Variants in USP14 observed in about 807,000 individuals in gnomAD.
USP14 encodes the protein ubiquitin carboxyl-terminal hydrolase 14.
Under a neutral mutation model 76.5 loss-of-function variants are expected in USP14, and 38 were observed. That is an observed-to-expected ratio of 0.50 (90% confidence interval 0.38 to 0.65). The LOEUF is 0.65. Among genes scored for constraint, USP14 ranks in the 30% least tolerant of loss-of-function variants. The pLI is 0.00. For missense variants in USP14, 467 were observed against 586.5 expected (o/e 0.80, Z 2.10); for synonymous variants, 192 against 191.7 (o/e 1.00, Z -0.01).
chr18:195,281 C>G (rs1003016990), intron 6 of USP14, among the ~76,000 whole-genome samples: 2 of 151,732 alleles, frequency 1.3e-5, no homozygotes, highest in Non-Finnish European at 2.9e-5. Context: ...GGTAGTGATG[C>G]CCAAATTTCA....
At chr18:198,308 A>T (rs1180041018) in intron 9 of USP14, among the ~76,000 whole-genome samples, 176 bp downstream of exon 9, 1 of 151,946 alleles carries the variant, frequency 6.6e-6, no homozygotes, top group East Asian at 1.9e-4. Flanking sequence ...TGTGATCTTG[A>T]CTCACTGCAA....
chr18:178,174 T>G (rs1453352992), intron 3 of USP14, among the ~76,000 whole-genome samples: 1 of 152,040 alleles, frequency 6.6e-6, no homozygotes, highest in African/African-American at 2.4e-5. Context: ...CATGCACCCC[T>G]ATGCCCAGCT....
chr18:173,871 A>G (rs1909548106), intron 3 of USP14, among the ~76,000 whole-genome samples: 1 of 152,250 alleles, frequency 6.6e-6, no homozygotes, highest in Admixed American at 6.5e-5. Context: ...TCAGTTGACC[A>G]TAAACATAAG....
intron 3 of USP14, among the ~76,000 whole-genome samples, chr18:171,809 A>G (rs1210378566): frequency 6.6e-6 from 1 of 152,230 alleles, no homozygotes; most frequent in Non-Finnish European, 1.5e-5. Flanking sequence ...AGGAGCATTC[A>G]TGGGAGGAAG....
At chr18:194,244 A>G (rs1397531103) in intron 6 of USP14, among the ~76,000 whole-genome samples, 2 of 152,174 alleles carry the variant, frequency 1.3e-5, no homozygotes, top group Admixed American at 6.5e-5. Flanking sequence ...CCTAAAGTAG[A>G]CTTACTTGTT....
chr18:214,059 G>C lies in USP14; in HGVS notation c.*2775G>C, dbSNP rs1020531970. The C allele has an allele frequency of 1.3e-5, 2 of 152,526 alleles. No individual in the cohort carries two copies. Among genetic ancestry groups the C allele is most frequent in the African/African-American group, 4.8e-5 (2 of 41,430 alleles). 9.4% of individuals were successfully genotyped at this position (152,526 alleles called of 1,614,324 possible). A position where few individuals can be genotyped will look rare whatever the true frequency, so the allele number is the denominator to read the frequency against. Reference sequence around the variant, plus strand: ...CAGGCTTTGCAGGCTATAAAGTGCTGCAGCTCCTTAGCTTTGCTGTTGTTA... The same window carrying C: ...CAGGCTTTGCAGGCTATAAAGTGCTCCAGCTCCTTAGCTTTGCTGTTGTTA... On this transcript the variant is annotated 3_prime_UTR_variant, in exon 16 of 16. Coordinates refer to ENST00000261601, the MANE Select transcript of USP14 (RefSeq NM_005151.4).
chr18:158,580 C>G lies in USP14; in HGVS notation c.-119C>G, dbSNP rs1046076097. ...TTGAATGAGACTCGTCGCACCGAAG[C>G]CGCCGCCACCACCGCGCCTCCGCCT... On this transcript the variant is annotated 5_prime_UTR_variant, in exon 1 of 16. Coordinates refer to ENST00000261601, the MANE Select transcript of USP14 (RefSeq NM_005151.4). 1.1e-4 allele frequency: 114 copies of G among 1,080,888 alleles called. No individual in the cohort carries two copies. Among genetic ancestry groups the G allele is most frequent in the Middle Eastern group, 2.0e-4 (1 of 4,956 alleles). 67.0% of individuals were successfully genotyped at this position (1,080,888 alleles called of 1,614,324 possible). A position where few individuals can be genotyped will look rare whatever the true frequency, so the allele number is the denominator to read the frequency against.
intron 5 of USP14, 93 bp from the exon 6 acceptor site, chr18:192,749 G>A: frequency 4.4e-6 from 5 of 1,136,682 alleles, no homozygotes; most frequent in Non-Finnish European, 6.5e-6. Context: ...TGCAGTTGAG[G>A]GTGTCATAAG....
chr18:179,601 T>C (rs1447062724), intron 4 of USP14, among the ~76,000 whole-genome samples: 6 of 148,408 alleles, frequency 4.0e-5, no homozygotes, highest in Non-Finnish European at 7.4e-5. Flanking sequence ...TTTTTTTTTT[T>C]CCTTGAGATG....
chr18:174,870 G>C (rs1197160225), intron 3 of USP14, among the ~76,000 whole-genome samples: 1 of 152,098 alleles, frequency 6.6e-6, no homozygotes, highest in Non-Finnish European at 1.5e-5. Context: ...CTGCCTCCCA[G>C]GTTCAAGCAG....
Position 213,711 on chromosome 18 carries a change from A to G in USP14, c.*2427A>G, listed in dbSNP as rs961472649. 6.6e-6 allele frequency: 1 copy of G among 152,562 alleles called. No individual in the cohort carries two copies. The highest frequency in any genetic ancestry group is 2.4e-5 in the African/African-American group (1 of 41,468). 9.5% of individuals were successfully genotyped at this position (152,562 alleles called of 1,614,324 possible). A position where few individuals can be genotyped will look rare whatever the true frequency, so the allele number is the denominator to read the frequency against. On this transcript the variant is annotated 3_prime_UTR_variant, in exon 16 of 16. Coordinates refer to ENST00000261601, the MANE Select transcript of USP14 (RefSeq NM_005151.4). Reference sequence around the variant, plus strand: ...CAGGATTAAAAACGATGATGACCTCATCTTAGAGCCCTAAAGGGAAATGCT... The same window carrying G: ...CAGGATTAAAAACGATGATGACCTCGTCTTAGAGCCCTAAAGGGAAATGCT...
In USP14 at chr18:176,806, G is replaced by C. The variant is rs549503728; in HGVS notation, c.196-2127G>C. ...TTTAATTAATTGTTGTTGTGGTATGGTATGAAGTAGAGAGCTGATAGTATG... is the reference window on the plus strand; with the variant it reads ...TTTAATTAATTGTTGTTGTGGTATGCTATGAAGTAGAGAGCTGATAGTATG... On this transcript the variant is annotated intron_variant, in intron 3 of 15. Transcript: ENST00000261601. Among the ~76,000 whole-genome samples the C allele has an allele frequency of 2.6e-5, 4 of 152,024 alleles. No homozygotes were observed. In the East Asian group the frequency reaches 7.7e-4, roughly 29 times the overall value.
Position 211,312 on chromosome 18 carries a change from G to A in USP14, c.*28G>A. Reference sequence around the variant, plus strand: ...TTCATTTTAGTATTTATGCTTAGATGTGAAAATAAATGTTATTTGTTGATC... The same window carrying A: ...TTCATTTTAGTATTTATGCTTAGATATGAAAATAAATGTTATTTGTTGATC... On this transcript the variant is annotated 3_prime_UTR_variant, in exon 16 of 16. Transcript: ENST00000261601. 1 of 1,580,348 alleles carries A rather than the reference G, an allele frequency of 6.3e-7. No individual in the cohort carries two copies. The highest frequency in any genetic ancestry group is 8.6e-7 in the Non-Finnish European group (1 of 1,158,080).
chr18:188,001 GTTTAC>G (rs1052078470), intron 5 of USP14, among the ~76,000 whole-genome samples: 12 of 152,066 alleles, frequency 7.9e-5, no homozygotes, highest in African/African-American at 2.4e-4. Context: ...GTTTCAGGTA[GTTTAC>G]TTCATGTTTC....
In USP14 at chr18:193,180, T is replaced by C. The variant is rs151071080; in HGVS notation, c.463+280T>C. Among the ~76,000 whole-genome samples the C allele has an allele frequency of 5.5e-3, 844 of 152,292 alleles. 2 individuals are homozygous for C. The highest frequency in any genetic ancestry group is 0.019 in the African/African-American group (779 of 41,560). On this transcript the variant is annotated intron_variant, in intron 6 of 15. Coordinates refer to ENST00000261601, the MANE Select transcript of USP14 (RefSeq NM_005151.4). Reference sequence around the variant, plus strand: ...TATAATACATATCTTTGGGGTTGACTCTGGGGATAGCCAGCGACGGGTTTT... The same window carrying C: ...TATAATACATATCTTTGGGGTTGACCCTGGGGATAGCCAGCGACGGGTTTT...
In USP14 at chr18:198,051, ACTC is replaced by A. The variant is rs1246719809; in HGVS notation, c.684_686del (p.Ser230del). The A allele has an allele frequency of 2.5e-6, 4 of 1,601,080 alleles. No individual in the cohort carries two copies. In the African/African-American group the frequency reaches 5.4e-5, roughly 22 times the overall value. ...TTTTTATTTTAATTTTTGCAGACAG[ACTC>A]CTCATCTGCATCGGCAGCGACACCT... On this transcript the variant is annotated inframe_deletion, in exon 9 of 16. Transcript: ENST00000261601.
intron 3 of USP14, among the ~76,000 whole-genome samples, chr18:174,664 G>A (rs923316586): frequency 6.6e-6 from 1 of 150,806 alleles, no homozygotes; most frequent in African/African-American, 2.4e-5. Context: ...GAGTGCAGTG[G>A]CACAATCATA....
intron 13 of USP14, among the ~76,000 whole-genome samples, chr18:205,901 T>G (rs1178249096): frequency 6.6e-6 from 1 of 152,236 alleles, no homozygotes; most frequent in Non-Finnish European, 1.5e-5. Flanking sequence ...CTCCTTCCAT[T>G]TCATTGCTGA....
chr18:175,532 CT>C (rs1325629597), intron 3 of USP14, among the ~76,000 whole-genome samples: 3 of 152,140 alleles, frequency 2.0e-5, no homozygotes, highest in African/African-American at 7.2e-5. Flanking sequence ...ACTACACAGA[CT>C]TTTGAGTATT....
Sources: gnomAD v4.1 joint callset for allele counts (sites outside exome capture counted in the v4.1 genomes callset) on GRCh38, gnomAD v4.1.1 for gene constraint, MANE v1.5 for transcripts, NCBI Gene and HGNC (gene_info 2026-07-23, HGNC 2026-07-21) for gene names.